CPNE4: variants seen among roughly 807,000 people sequenced by gnomAD.
The protein encoded by CPNE4 is copine-4.
Under a neutral mutation model 67.9 loss-of-function variants are expected in CPNE4, and 25 were observed. The ratio of observed to expected loss-of-function variants is 0.37; its 90% CI spans 0.27 to 0.51. The LOEUF (loss-of-function observed/expected upper bound fraction) is 0.51, where lower values mean the gene tolerates loss of function less well. Ranked by LOEUF, CPNE4 falls within the 20% of genes least tolerant of loss-of-function variation. The pLI is 0.93. For missense variants in CPNE4, 464 were observed against 690.8 expected, an observed-to-expected ratio of 0.67 and a Z score of 3.68; for synonymous variants, 242 against 244.9, an observed-to-expected ratio of 0.99 and a Z score of 0.11.
At chr3:131,969,650 A>G (rs549784719) in intron 1 of CPNE4, among the ~76,000 whole-genome samples, 7 of 152,270 alleles carry the variant, frequency 4.6e-5, no homozygotes, top group African/African-American at 1.7e-4. Flanking sequence ...ATCTTGGTGC[A>G]CTTCAGAGCA....
At chr3:131,600,590 G>A (rs147424217) in intron 7 of CPNE4, among the ~76,000 whole-genome samples, 31 of 152,068 alleles carry the variant, frequency 2.0e-4, no homozygotes, top group African/African-American at 5.8e-4. Context: ...ACAGTCATCC[G>A]CCACTCATTT....
intron 1 of CPNE4, among the ~76,000 whole-genome samples, chr3:131,960,706 G>T (rs906101142): frequency 6.6e-6 from 1 of 152,286 alleles, no homozygotes; most frequent in South Asian, 2.1e-4. Flanking sequence ...CAGCTGGTCT[G>T]AAGGACTCCC....
chr3:131,630,112 T>C lies in CPNE4; in HGVS notation c.681+39563A>G, dbSNP rs1392957697. ...AGCAGTTTGTAAGTTTTAAATTGCATGTGTTCTGAGTAGCATGATGAAATC... is the reference window on the plus strand; with the variant it reads ...AGCAGTTTGTAAGTTTTAAATTGCACGTGTTCTGAGTAGCATGATGAAATC... On this transcript the variant is annotated intron_variant, in intron 7 of 15. Transcript: ENST00000429747. Among the ~76,000 whole-genome samples, 3 of 152,342 alleles carry C rather than the reference T, an allele frequency of 2.0e-5. No individual in the cohort carries two copies. The East Asian group carries it at 5.8e-4, about 29-fold the overall frequency.
intron 7 of CPNE4, among the ~76,000 whole-genome samples, chr3:131,613,923 C>A (rs1003491277): frequency 2.0e-5 from 3 of 152,058 alleles, no homozygotes; most frequent in Non-Finnish European, 4.4e-5. Context: ...AAAAGGGGTA[C>A]CAAAGAACAG....
chr3:132,021,650 C>T (rs529707441), intron 1 of CPNE4, among the ~76,000 whole-genome samples: 4 of 152,186 alleles, frequency 2.6e-5, no homozygotes, highest in African/African-American at 7.2e-5. Flanking sequence ...GACACATGTG[C>T]TACAGATTGC....
chr3:131,566,274 TAAGAA>T (rs1446482470), intron 10 of CPNE4, among the ~76,000 whole-genome samples: 1 of 151,680 alleles, frequency 6.6e-6, no homozygotes, highest in African/African-American at 2.4e-5. Flanking sequence ...GTGTAAAACT[TAAGAA>T]AAGGAAAACT....
intron 2 of CPNE4, among the ~76,000 whole-genome samples, chr3:131,827,053 CAAAAA>C (rs527238695): frequency 6.7e-6 from 1 of 149,026 alleles, no homozygotes; most frequent in African/African-American, 2.5e-5. Context: ...CAAAACAAAA[CAAAAA>C]AAAACAAAAC....
At chr3:131,883,103 C>A (rs983876236) in intron 2 of CPNE4, among the ~76,000 whole-genome samples, 1 of 152,136 alleles carries the variant, frequency 6.6e-6, no homozygotes, top group Non-Finnish European at 1.5e-5. Flanking sequence ...TTTACTTCTA[C>A]AAGAACTTAT....
chr3:132,002,806 T>C (rs2073490775), intron 1 of CPNE4, among the ~76,000 whole-genome samples: 1 of 152,106 alleles, frequency 6.6e-6, no homozygotes, highest in African/African-American at 2.4e-5. Context: ...TAAGTAAAAA[T>C]TTAAATAGAA....
intron 2 of CPNE4, among the ~76,000 whole-genome samples, chr3:131,817,647 G>A (rs1250336034): frequency 6.6e-6 from 1 of 152,150 alleles, no homozygotes; most frequent in Non-Finnish European, 1.5e-5. Context: ...AGATAGAGTG[G>A]CAAAGGCCAG....
intron 1 of CPNE4, among the ~76,000 whole-genome samples, chr3:131,975,269 A>G (rs2072616467): frequency 6.6e-6 from 1 of 152,150 alleles, no homozygotes; most frequent in Non-Finnish European, 1.5e-5. Flanking sequence ...GAGGAGAAAC[A>G]GGAAGCGATA....
chr3:131,741,776 T>C (rs1372199779), intron 2 of CPNE4, among the ~76,000 whole-genome samples: 3 of 152,150 alleles, frequency 2.0e-5, no homozygotes, highest in Admixed American at 2.0e-4. Context: ...GCCAGCCTCC[T>C]ACTGCAGAGG....
At chr3:131,887,248 G>C (rs9811596) in intron 2 of CPNE4, among the ~76,000 whole-genome samples, 43,808 of 151,952 alleles carry the variant, frequency 0.29, 7,384 homozygotes, top group Non-Finnish European at 0.37. Flanking sequence ...TTGCGTCTTC[G>C]TCATTCTCTC....
In CPNE4 at chr3:131,619,883, G is replaced by A. The variant is rs569636912; in HGVS notation, c.682-32301C>T. 7.2e-5 allele frequency among the ~76,000 whole-genome samples: 11 copies of A among 152,306 alleles called. No homozygotes were observed. The South Asian group carries it at 2.3e-3, about 32-fold the overall frequency. On this transcript the variant is annotated intron_variant, in intron 7 of 15. Transcript: ENST00000429747. Reference sequence around the variant, plus strand: ...TGCCTTGAGAAAAGGCATAAGGTTAGAGAGGAAAGGGGAGGGATGGAAAGA... The same window carrying A: ...TGCCTTGAGAAAAGGCATAAGGTTAAAGAGGAAAGGGGAGGGATGGAAAGA...
At chr3:131,838,461 C>T (rs1285359362) in intron 2 of CPNE4, among the ~76,000 whole-genome samples, 1 of 151,472 alleles carries the variant, frequency 6.6e-6, no homozygotes, top group Non-Finnish European at 1.5e-5. Flanking sequence ...CACAGGTATG[C>T]AAAGCACTTA....
chr3:131,831,649 ATTTTC>A (rs1362767255), intron 2 of CPNE4, among the ~76,000 whole-genome samples: 1 of 152,152 alleles, frequency 6.6e-6, no homozygotes, highest in Non-Finnish European at 1.5e-5. Context: ...TAAAACTAAA[ATTTTC>A]TTTTATACAT....
At chr3:131,838,697 T>C (rs1241108084) in intron 2 of CPNE4, among the ~76,000 whole-genome samples, 1 of 151,744 alleles carries the variant, frequency 6.6e-6, no homozygotes, top group Non-Finnish European at 1.5e-5. Context: ...TAAAGTACTT[T>C]TATACTATAA....
intron 2 of CPNE4, among the ~76,000 whole-genome samples, chr3:131,829,347 A>G (rs1487602244): frequency 1.3e-5 from 2 of 152,162 alleles, no homozygotes; most frequent in Non-Finnish European, 2.9e-5. Context: ...CTTATATAGA[A>G]TATCTTTGTT....
At position 132,034,721 on chromosome 3, in the gene CPNE4, C is replaced by T; in HGVS notation, c.-156G>A. 11 of 985,200 alleles carry T rather than the reference C, an allele frequency of 1.1e-5. No homozygotes were observed. Among genetic ancestry groups the T allele is most frequent in the Non-Finnish European group, 1.3e-5 (11 of 830,024 alleles). 61.0% of individuals were successfully genotyped at this position (985,200 alleles called of 1,614,324 possible). On this transcript the variant is annotated 5_prime_UTR_variant, in exon 1 of 16. Coordinates refer to ENST00000429747, the MANE Select transcript of CPNE4 (RefSeq NM_130808.3). ...GCGTCGCACCTCCTTCCCCTCTCGTCCTCCGAGGTCAGTTTAGCAACAGCG... is the reference window on the plus strand; with the variant it reads ...GCGTCGCACCTCCTTCCCCTCTCGTTCTCCGAGGTCAGTTTAGCAACAGCG...
Sources: gnomAD v4.1 joint callset for allele counts (sites outside exome capture counted in the v4.1 genomes callset) on GRCh38, gnomAD v4.1.1 for gene constraint, MANE v1.5 for transcripts, NCBI Gene and HGNC (gene_info 2026-07-23, HGNC 2026-07-21) for gene names.